The following ITSN2 variants were observed in gnomAD, a reference collection of about 807,000 sequenced individuals.
The protein encoded by ITSN2 is intersectin 2.
In ITSN2, 156 loss-of-function variants were observed where a neutral mutation model predicts 243.7. The observed-to-expected ratio is 0.64, with a 90% confidence interval of 0.56 to 0.73. ITSN2 has a LOEUF of 0.73. ITSN2 is among the 30% of genes least tolerant of loss of function. ITSN2 has a pLI of 0.00. For missense variants in ITSN2, 1,801 were observed against 1,996.1 expected, an observed-to-expected ratio of 0.90 and a Z score of 1.86; for synonymous variants, 703 against 699.9, an observed-to-expected ratio of 1.00 and a Z score of -0.07.
At position 24,209,802 on chromosome 2, in the gene ITSN2, G is replaced by A. The variant is rs746019199; in HGVS notation, c.4473+16C>T. On this transcript the variant is annotated intron_variant, in intron 35 of 39. Transcript: ENST00000355123. ...CATTAGGCCCCTGATGCTACCCCCA[G>A]ACGCGTGATACTCACCGTTTTATAC... 1 of 1,603,426 alleles carries A rather than the reference G, an allele frequency of 6.2e-7. No individual in the cohort carries two copies. The highest frequency in any genetic ancestry group is 8.5e-7 in the Non-Finnish European group (1 of 1,170,222).
At chr2:24,347,848 G>C (rs1687688365) in intron 1 of ITSN2, among the ~76,000 whole-genome samples, 1 of 152,068 alleles carries the variant, frequency 6.6e-6, no homozygotes, top group Admixed American at 6.6e-5. Context: ...CAACGCGGGA[G>C]AATCATTCGA....
chr2:24,210,636 A>AAAG, intron 34 of ITSN2, 144 bp downstream of exon 34: 1 of 582,228 alleles, frequency 1.7e-6, no homozygotes, highest in Non-Finnish European at 2.8e-6. Context: ...AAAAAAAAAG[A>AAAG]AAAAAAAATG....
In ITSN2 at chr2:24,328,057, A is replaced by C; in HGVS notation, c.26T>G (p.Met9Arg). 6.2e-7 allele frequency: 1 copy of C among 1,613,604 alleles called. No individual in the cohort carries two copies. The highest frequency in any genetic ancestry group is 8.5e-7 in the Non-Finnish European group (1 of 1,179,812). MMAQFPTA[M>R]NGGPNMWAIT... ...ACAAGCACAAAGCTGCTTACCATTC[A>C]TAGCTGTGGGAAACTGAGCCATCAT... The change falls in exon 2 of 40, where the codon ATG becomes AGG. Residue 9 changes from methionine to arginine, a missense_variant. Met to Arg is a moderately conservative substitution (Grantham distance 91, BLOSUM62 -1). Transcript: ENST00000355123.
chr2:24,293,080 C>T (rs937179507), intron 15 of ITSN2, among the ~76,000 whole-genome samples: 1 of 152,112 alleles, frequency 6.6e-6, no homozygotes, highest in Non-Finnish European at 1.5e-5. Flanking sequence ...GTATCCAATA[C>T]AGAGAATTTT....
At position 24,209,181 on chromosome 2, in the gene ITSN2, T is replaced by A; in HGVS notation, c.4514A>T (p.Asp1505Val). The change falls in exon 36 of 40, where the codon GAC becomes GTC. Residue 1505 changes from aspartate to valine, a missense_variant. This residue lies in a region of ITSN2 where 928 missense variants were observed against 1,065.4 expected (regional missense o/e 0.87). Coordinates refer to ENST00000355123, the MANE Select transcript of ITSN2 (RefSeq NM_006277.3). The stretch of plus-strand genomic sequence containing the variant: ...GAAGACAGGCTCATCGCTGGAAGGG[T>A]CTGTGGGCAGTTTCACCAAGACTTC... The part of the protein sequence containing the change: ...LNEVLVKLPT[D>V]PSSDEPVFHI... 1 of 1,613,900 alleles carries A rather than the reference T, an allele frequency of 6.2e-7. No homozygotes were observed. Among genetic ancestry groups the A allele is most frequent in the Non-Finnish European group, 8.5e-7 (1 of 1,179,922 alleles).
intron 29 of ITSN2, among the ~76,000 whole-genome samples, chr2:24,228,241 C>T (rs540207832): frequency 6.6e-6 from 1 of 152,206 alleles, no homozygotes; most frequent in East Asian, 1.9e-4. Flanking sequence ...AATAACTGTC[C>T]AGCTAAAAAT....
chr2:24,210,310 A>G, intron 34 of ITSN2: 1 of 425,022 alleles, frequency 2.4e-6, no homozygotes, highest in Non-Finnish European at 4.3e-6. Context: ...TCTCCTTAGG[A>G]GAAAGGAAGA....
At chr2:24,282,113 C>T (rs1409454190) in intron 17 of ITSN2, among the ~76,000 whole-genome samples, 1 of 152,216 alleles carries the variant, frequency 6.6e-6, no homozygotes. Context: ...TTGCATCTTC[C>T]AAGACCACCC....
intron 14 of ITSN2, among the ~76,000 whole-genome samples, chr2:24,295,460 C>A (rs1391507608): frequency 1.3e-5 from 2 of 152,146 alleles, no homozygotes. Flanking sequence ...GCATGCGCCA[C>A]CATACCCAGC....
intron 1 of ITSN2, among the ~76,000 whole-genome samples, chr2:24,345,589 T>C (rs1179948522): frequency 6.6e-6 from 1 of 152,162 alleles, no homozygotes; most frequent in African/African-American, 2.4e-5. Flanking sequence ...ACATTAATAC[T>C]CTCATTGTAA....
At chr2:24,329,701 T>C (rs1685563152) in intron 1 of ITSN2, among the ~76,000 whole-genome samples, 1 of 152,196 alleles carries the variant, frequency 6.6e-6, no homozygotes, top group African/African-American at 2.4e-5. Context: ...TCATGCCGTA[T>C]CTCATCTATT....
intron 36 of ITSN2, among the ~76,000 whole-genome samples, 187 bp downstream of exon 36, chr2:24,208,913 G>A (rs1669200840): frequency 6.6e-6 from 1 of 152,188 alleles, no homozygotes; most frequent in African/African-American, 2.4e-5. Context: ...AAGCCGGGAA[G>A]CATGTTAGGA....
intron 25 of ITSN2, 62 bp from the exon 26 acceptor site, chr2:24,248,944 A>C: frequency 1.4e-6 from 2 of 1,474,820 alleles, no homozygotes; most frequent in Non-Finnish European, 1.9e-6. Context: ...AAAAGTATAA[A>C]GGTTAATGGG....
At chr2:24,274,847 G>A (rs1677823320) in intron 18 of ITSN2, among the ~76,000 whole-genome samples, 1 of 151,980 alleles carries the variant, frequency 6.6e-6, no homozygotes, top group South Asian at 2.1e-4. Context: ...AAAAAATACT[G>A]GTTCATCCAT....
At chr2:24,248,789 G>C in intron 26 of ITSN2, 39 bp from the exon 27 acceptor site, 1 of 1,613,146 alleles carries the variant, frequency 6.2e-7, no homozygotes, top group Non-Finnish European at 8.5e-7. Context: ...TCAAGATTGC[G>C]ACAGAGCAAA....
At position 24,249,451 on chromosome 2, in the gene ITSN2, C is replaced by T. The variant is rs1038556305; in HGVS notation, c.3121-569G>A. 1.1e-4 allele frequency among the ~76,000 whole-genome samples: 17 copies of T among 152,252 alleles called. No homozygotes were observed. Among genetic ancestry groups the T allele is most frequent in the African/African-American group, 3.9e-4 (16 of 41,542 alleles). On this transcript the variant is annotated intron_variant, in intron 25 of 39. Coordinates refer to ENST00000355123, the MANE Select transcript of ITSN2 (RefSeq NM_006277.3). This position sits in a 1 kb window ranked among gnomAD's most constrained non-coding sequence, Gnocchi z 4.4. ...TGTTTCACTTTAAAGGATAAACTGG[C>T]CCAACCACATTTCCTCTTTATAGGA...
chr2:24,338,287 T>A (rs896434289), intron 1 of ITSN2, among the ~76,000 whole-genome samples: 1 of 152,166 alleles, frequency 6.6e-6, no homozygotes, highest in Admixed American at 6.5e-5. Flanking sequence ...AACCAGAAAA[T>A]TTTTAAATCT....
chr2:24,330,332 G>C, intron 1 of ITSN2: 1 of 466,094 alleles, frequency 2.1e-6, no homozygotes. Context: ...ACGAACCCCG[G>C]ACTGACCAAA....
At chr2:24,278,796 C>T (rs961483907) in intron 17 of ITSN2, among the ~76,000 whole-genome samples, 1 of 152,038 alleles carries the variant, frequency 6.6e-6, no homozygotes, top group Non-Finnish European at 1.5e-5. Context: ...GGATTACAGG[C>T]TCATGCCACC....
Sources: gnomAD v4.1 joint callset for allele counts (sites outside exome capture counted in the v4.1 genomes callset) on GRCh38, gnomAD v4.1.1 for gene constraint, gnomAD v4.1.1 regional missense constraint, Gnocchi (gnomAD v3.1) non-coding constraint, MANE v1.5 for transcripts, NCBI Gene and HGNC (gene_info 2026-07-23, HGNC 2026-07-21) for gene names.